MAP3K5: variants seen among roughly 807,000 people sequenced by gnomAD.
The protein encoded by MAP3K5 is mitogen-activated protein kinase kinase kinase 5, also known as ASK-1.
In MAP3K5, 56 loss-of-function variants were observed where a neutral mutation model predicts 158.7. The ratio of observed to expected loss-of-function variants is 0.35; its 90% CI spans 0.28 to 0.44. The LOEUF (loss-of-function observed/expected upper bound fraction) is 0.44, where lower values mean the gene tolerates loss of function less well. Ranked by LOEUF, MAP3K5 falls within the 20% of genes least tolerant of loss-of-function variation. The pLI is 1.00. For synonymous variants in MAP3K5, 579 were observed against 601.7 expected (o/e 0.96, Z 0.55); for missense variants, 1,294 against 1,674.8 (o/e 0.77, Z 3.97).
chr6:136,580,061 T>G (rs1774801630), intron 25 of MAP3K5, among the ~76,000 whole-genome samples: 1 of 152,218 alleles, frequency 6.6e-6, no homozygotes, highest in Non-Finnish European at 1.5e-5. Context: ...ACTTTTTCTC[T>G]TCACATCTAA....
At chr6:136,676,585 C>T (rs1380172021) in intron 7 of MAP3K5, among the ~76,000 whole-genome samples, 1 of 151,044 alleles carries the variant, frequency 6.6e-6, no homozygotes, top group African/African-American at 2.4e-5. Context: ...TGAGAAATTC[C>T]TTTAATTTAC....
At chr6:136,715,799 CG>C (rs1455166468) in intron 2 of MAP3K5, among the ~76,000 whole-genome samples, 1 of 151,796 alleles carries the variant, frequency 6.6e-6, no homozygotes, top group Admixed American at 6.6e-5. Context: ...GGGAGGCCAA[CG>C]GGGGCGGATT....
At chr6:136,743,351 G>A (rs1782795147) in intron 1 of MAP3K5, among the ~76,000 whole-genome samples, 1 of 151,896 alleles carries the variant, frequency 6.6e-6, no homozygotes, top group Admixed American at 6.6e-5. Context: ...TCGGGAGGCT[G>A]AGGCAGGAGA....
chr6:136,588,482 G>A (rs1489130147), intron 23 of MAP3K5, among the ~76,000 whole-genome samples: 1 of 152,160 alleles, frequency 6.6e-6, no homozygotes, highest in African/African-American at 2.4e-5. Context: ...AATGTTAGCT[G>A]TTATTACTAT....
chr6:136,713,685 A>G (rs1451679371), intron 2 of MAP3K5, among the ~76,000 whole-genome samples: 1 of 152,210 alleles, frequency 6.6e-6, no homozygotes, highest in South Asian at 2.1e-4. Context: ...TGAAAGTTAG[A>G]TCATTTCTGA....
At chr6:136,592,138 C>A (rs775515528) in intron 23 of MAP3K5, 35 bp downstream of exon 23, 4 of 1,527,914 alleles carry the variant, frequency 2.6e-6, no homozygotes, top group East Asian at 4.5e-5. Flanking sequence ...AAATATGTAA[C>A]CTTTGGGAAA....
intron 25 of MAP3K5, among the ~76,000 whole-genome samples, chr6:136,571,476 A>G (rs1394875389): frequency 6.6e-6 from 1 of 152,182 alleles, no homozygotes; most frequent in Non-Finnish European, 1.5e-5. Context: ...GGAGTGAAAA[A>G]ACCATAAAAT....
chr6:136,712,177 T>C (rs1233091394), intron 2 of MAP3K5, among the ~76,000 whole-genome samples: 1 of 147,220 alleles, frequency 6.8e-6, no homozygotes, highest in African/African-American at 2.5e-5. Context: ...TAATAGAGCT[T>C]TTTTTTTTTT....
At chr6:136,612,584 A>G (rs1410451076) in intron 17 of MAP3K5, among the ~76,000 whole-genome samples, 1 of 152,188 alleles carries the variant, frequency 6.6e-6, no homozygotes, top group Non-Finnish European at 1.5e-5. Flanking sequence ...AAAATGTATT[A>G]GTTCTGAATT....
At chr6:136,756,840 C>T (rs1783512774) in intron 1 of MAP3K5, among the ~76,000 whole-genome samples, 1 of 152,172 alleles carries the variant, frequency 6.6e-6, no homozygotes, top group Non-Finnish European at 1.5e-5. Flanking sequence ...GGGCTGATGG[C>T]CCGGTGCATG....
chr6:136,662,443 T>C (rs572125378), intron 8 of MAP3K5, among the ~76,000 whole-genome samples: 52 of 152,348 alleles, frequency 3.4e-4, no homozygotes, highest in Middle Eastern at 3.4e-3. Flanking sequence ...ATTAATCTTT[T>C]AAGTATGGAG....
intron 1 of MAP3K5, among the ~76,000 whole-genome samples, chr6:136,770,433 A>G (rs1360438351): frequency 6.6e-6 from 1 of 152,254 alleles, no homozygotes; most frequent in African/African-American, 2.4e-5. Flanking sequence ...TGTTATTTAA[A>G]GAAATGTTAA....
chr6:136,562,774 G>A (rs998798646), intron 26 of MAP3K5, among the ~76,000 whole-genome samples, 159 bp from the exon 27 acceptor site: 3 of 151,002 alleles, frequency 2.0e-5, no homozygotes, highest in African/African-American at 4.9e-5. Flanking sequence ...GGACTCAAGC[G>A]ATCCTCCCAT....
chr6:136,624,011 T>C (rs1335812332), intron 14 of MAP3K5, among the ~76,000 whole-genome samples: 1 of 151,738 alleles, frequency 6.6e-6, no homozygotes, highest in Admixed American at 6.6e-5. Flanking sequence ...CTAGCCAACA[T>C]GGCAAAACCC....
intron 8 of MAP3K5, among the ~76,000 whole-genome samples, chr6:136,663,339 A>G (rs1371387508): frequency 6.6e-6 from 1 of 152,232 alleles, no homozygotes. Context: ...ATCTCCCTGA[A>G]TATTTCTGCT....
intron 8 of MAP3K5, among the ~76,000 whole-genome samples, chr6:136,661,941 CAT>C (rs1779023931): frequency 6.6e-6 from 1 of 152,170 alleles, no homozygotes; most frequent in Admixed American, 6.5e-5. Context: ...ACATTTATCA[CAT>C]GATTGTGACA....
Position 136,583,606 on chromosome 6 carries a change from G to C in MAP3K5, c.3360C>G (p.Asp1120Glu). The C allele has an allele frequency of 1.2e-6, 2 of 1,614,208 alleles. No individual in the cohort carries two copies. The highest frequency in any genetic ancestry group is 1.7e-6 in the Non-Finnish European group (2 of 1,180,028). Residue 1120 changes from aspartate (D) to glutamate (E), a missense_variant, in exon 24 of 30, where the codon GAC becomes GAG. Coordinates refer to ENST00000359015, the MANE Select transcript of MAP3K5 (RefSeq NM_005923.4). Reference sequence around the variant, plus strand: ...CCTGGACTTGGCTAATGCCATGGCTGTCGAAGTCCAGCTCCAGTTTCAGCT... The same window carrying C: ...CCTGGACTTGGCTAATGCCATGGCTCTCGAAGTCCAGCTCCAGTTTCAGCT... ...LSKLKLELDF[D>E]SHGISQVQVV...
At chr6:136,652,415 T>A (rs1219563574) in intron 10 of MAP3K5, among the ~76,000 whole-genome samples, 1 of 152,124 alleles carries the variant, frequency 6.6e-6, no homozygotes, top group East Asian at 1.9e-4. Flanking sequence ...ATATTCTGAC[T>A]CAGGAACAAA....
rs1251871746 is a variant in MAP3K5 at position 136,613,465 on chromosome 6, G to A, written c.2279-209C>T. Among the ~76,000 whole-genome samples, 5 of 152,126 alleles carry A rather than the reference G, an allele frequency of 3.3e-5. No homozygotes were observed. The highest frequency in any genetic ancestry group is 4.8e-5 in the African/African-American group (2 of 41,432). On this transcript the variant is annotated intron_variant, in intron 16 of 29. Transcript: ENST00000359015. This position sits in a 1 kb window ranked among gnomAD's most constrained non-coding sequence, Gnocchi z 4.0. ...AAATATGTCTAAGTAAAAGGCCAAT[G>A]TCAATTGCCAACTTTAATTCAAGTC...
Sources: gnomAD v4.1 joint callset for allele counts (sites outside exome capture counted in the v4.1 genomes callset) on GRCh38, gnomAD v4.1.1 for gene constraint, Gnocchi (gnomAD v3.1) non-coding constraint, MANE v1.5 for transcripts, NCBI Gene and HGNC (gene_info 2026-07-23, HGNC 2026-07-21) for gene names.